VIT: variants seen among roughly 807,000 people sequenced by gnomAD.
VIT encodes vitrin.
In VIT, 99 loss-of-function variants were observed where a neutral mutation model predicts 78.0. The observed-to-expected ratio is 1.27, with a 90% CI of 1.08 to 1.50. The LOEUF is 1.50. Among genes scored for constraint, VIT ranks in the 40% most tolerant of loss-of-function variants. The probability of loss-of-function intolerance (pLI) is 0.00; values close to 1 mark genes in which losing one functional copy is unlikely to be tolerated. For missense variants in VIT, 1,126 were observed against 875.3 expected, an observed-to-expected ratio of 1.29 and a Z score of -3.61; for synonymous variants, 374 against 334.3, an observed-to-expected ratio of 1.12 and a Z score of -1.29.
At chr2:36,775,288 T>A (rs762210138) in intron 9 of VIT, among the ~76,000 whole-genome samples, 1 of 152,210 alleles carries the variant, frequency 6.6e-6, no homozygotes, top group Non-Finnish European at 1.5e-5. Flanking sequence ...AACGAAGACA[T>A]CCAAGGGCTG....
At position 36,814,241 on chromosome 2, in the gene VIT, T is replaced by C; in HGVS notation, c.1962T>C (p.Ile654=). Residue 654 remains isoleucine (I), a synonymous_variant, in exon 16 of 16, where the codon ATT becomes ATC. Coordinates refer to ENST00000379242, the MANE Select transcript of VIT (RefSeq NM_053276.4). The stretch of plus-strand genomic sequence containing the variant: ...CTGCCCAAGAGGAGCTAGAAGTCAT[T>C]GCCACTCACCCCGCCAGAGACCACT... The part of the protein sequence containing the change: ...AWAAQEELEV[I]ATHPARDHSF... 1 of 1,614,218 alleles carries C rather than the reference T, an allele frequency of 6.2e-7. No individual in the cohort carries two copies. The highest frequency in any genetic ancestry group is 8.5e-7 in the Non-Finnish European group (1 of 1,180,030).
intron 15 of VIT, among the ~76,000 whole-genome samples, chr2:36,809,638 G>A (rs80329963): frequency 0.016 from 2,377 of 152,178 alleles, 60 homozygotes; most frequent in African/African-American, 0.054. Flanking sequence ...CGATGGTCTC[G>A]AACTCCTGAC....
At chr2:36,726,216 C>G (rs1260998247) in intron 2 of VIT, among the ~76,000 whole-genome samples, 3 of 151,894 alleles carry the variant, frequency 2.0e-5, no homozygotes, top group Non-Finnish European at 4.4e-5. Context: ...TATATTAAAT[C>G]AAAGTTTGGT....
intron 1 of VIT, among the ~76,000 whole-genome samples, chr2:36,714,420 G>A (rs565150206): frequency 6.6e-6 from 1 of 152,202 alleles, no homozygotes; most frequent in Non-Finnish European, 1.5e-5. Context: ...CACAGAAATT[G>A]ACAAGCTCTG....
chr2:36,749,277 A>T (rs956836157), intron 4 of VIT, among the ~76,000 whole-genome samples: 1 of 152,114 alleles, frequency 6.6e-6, no homozygotes, highest in African/African-American at 2.4e-5. Flanking sequence ...TTGGAGAAAA[A>T]TGGGGATGGG....
At chr2:36,775,803 AACACACTCT>A (rs72092716) in intron 9 of VIT, among the ~76,000 whole-genome samples, 7,586 of 152,104 alleles carry the variant, frequency 0.05, 491 homozygotes, top group East Asian at 0.19. Context: ...GGACTCCCCC[AACACACTCT>A]AGGTGCTCAG....
chr2:36,703,984 G>T (rs1386572240), intron 1 of VIT, among the ~76,000 whole-genome samples: 2 of 142,420 alleles, frequency 1.4e-5, no homozygotes, highest in Non-Finnish European at 3.0e-5. Flanking sequence ...GAGTGCAGTG[G>T]CACGATCTCG....
intron 2 of VIT, among the ~76,000 whole-genome samples, chr2:36,728,830 G>A (rs11885809): frequency 0.92 from 18,769 of 20,460 alleles, 8,761 homozygotes; most frequent in Middle Eastern, 1. Flanking sequence ...AAAAAAAAAA[G>A]AAAAAAGAAA....
intron 1 of VIT, among the ~76,000 whole-genome samples, chr2:36,714,881 T>C (rs1051247983): frequency 6.6e-6 from 1 of 152,190 alleles, no homozygotes; most frequent in African/African-American, 2.4e-5. Context: ...TATACTCAAT[T>C]AATAGTAGTA....
At chr2:36,734,225 T>C (rs1667373693) in intron 3 of VIT, among the ~76,000 whole-genome samples, 1 of 152,192 alleles carries the variant, frequency 6.6e-6, no homozygotes, top group Non-Finnish European at 1.5e-5. Flanking sequence ...GTCTTACAAA[T>C]ATGAATGTGA....
intron 3 of VIT, among the ~76,000 whole-genome samples, chr2:36,737,388 C>G (rs962290387): frequency 6.6e-6 from 1 of 152,110 alleles, no homozygotes; most frequent in Non-Finnish European, 1.5e-5. Flanking sequence ...AGGGCGGGGA[C>G]TCCTGAGAGT....
intron 7 of VIT, 73 bp from the exon 8 acceptor site, chr2:36,773,718 C>T (rs1020655005): frequency 2.4e-5 from 32 of 1,325,346 alleles, no homozygotes; most frequent in South Asian, 9.4e-5. Flanking sequence ...AGTGAGACTC[C>T]GACTCAAAAA....
chr2:36,708,927 A>G (rs1665623640), intron 1 of VIT, among the ~76,000 whole-genome samples: 3 of 152,204 alleles, frequency 2.0e-5, no homozygotes, highest in African/African-American at 7.2e-5. Context: ...AGGCGGGCAG[A>G]TCACCTGAAG....
chr2:36,811,666 C>CTT (rs1667180573), intron 15 of VIT, among the ~76,000 whole-genome samples: 1 of 149,982 alleles, frequency 6.7e-6, no homozygotes, highest in African/African-American at 2.5e-5. Flanking sequence ...TTTTTTCTTT[C>CTT]TTTCTTTTTT....
At chr2:36,747,488 C>T (rs924352036) in intron 4 of VIT, among the ~76,000 whole-genome samples, 5 of 152,094 alleles carry the variant, frequency 3.3e-5, no homozygotes, top group Admixed American at 3.3e-4. Context: ...AATATTGGGT[C>T]TGTATATATT....
intron 4 of VIT, 121 bp downstream of exon 4, chr2:36,743,377 T>C: frequency 9.3e-7 from 1 of 1,074,638 alleles, no homozygotes; most frequent in South Asian, 2.5e-5. Flanking sequence ...CTCAAAATCT[T>C]TATTTAATCT....
intron 12 of VIT, among the ~76,000 whole-genome samples, chr2:36,800,536 C>G (rs1202238492): frequency 6.6e-6 from 1 of 152,076 alleles, no homozygotes; most frequent in Non-Finnish European, 1.5e-5. Flanking sequence ...GGTCTCACGC[C>G]CACGAAGTCA....
intron 5 of VIT, among the ~76,000 whole-genome samples, chr2:36,758,266 C>A (rs1668886028): frequency 6.6e-6 from 1 of 152,222 alleles, no homozygotes; most frequent in Non-Finnish European, 1.5e-5. Context: ...GTTACCAAGT[C>A]AGAAAAATGA....
At chr2:36,716,332 T>G in intron 1 of VIT, 21 bp from the exon 2 acceptor site, 1 of 1,602,648 alleles carries the variant, frequency 6.2e-7, no homozygotes, top group Non-Finnish European at 8.5e-7. Context: ...TATGATGACG[T>G]TATTGTTTCT....
Sources: allele counts gnomAD v4.1 joint callset (sites outside exome capture counted in the v4.1 genomes callset), GRCh38; gene constraint gnomAD v4.1.1; transcripts MANE v1.5; gene names NCBI Gene and HGNC (gene_info 2026-07-23, HGNC 2026-07-21).